NEGR1: variants seen among roughly 807,000 people sequenced by gnomAD.
NEGR1 encodes the protein IgLON family member 4.
Under a neutral mutation model 40.9 loss-of-function variants are expected in NEGR1, and 10 were observed. That is an observed-to-expected ratio of 0.24 (90% CI 0.15 to 0.42). NEGR1 has a LOEUF of 0.42. Among genes scored for constraint, NEGR1 ranks in the 10% least tolerant of loss-of-function variants. The pLI is 1.00. For synonymous variants in NEGR1, 185 were observed against 166.8 expected, an observed-to-expected ratio of 1.11 and a Z score of -0.84; for missense variants, 352 against 438.9, an observed-to-expected ratio of 0.80 and a Z score of 1.77.
At chr1:71,955,666 T>C (rs7541380) in intron 1 of NEGR1, among the ~76,000 whole-genome samples, 18,123 of 152,194 alleles carry the variant, frequency 0.12, 1,123 homozygotes, top group South Asian at 0.18. Flanking sequence ...CTTTGTATTT[T>C]TGCATTTCCT....
rs1057339826 is a variant in NEGR1, at chr1:71,705,423, A to G, written c.536-7284T>C. ...GATTTCATCAACATTTTATAAAAAC[A>G]AAAACTTTTGCTTTGGAAAAGACAC... is the stretch of plus-strand genomic sequence containing the variant. On this transcript the variant is annotated intron_variant, in intron 3 of 6. Coordinates refer to ENST00000357731, the MANE Select transcript of NEGR1 (RefSeq NM_173808.3). 9.2e-5 allele frequency among the ~76,000 whole-genome samples: 14 copies of G among 152,266 alleles called. No individual in the cohort carries two copies. In the East Asian group the frequency reaches 2.7e-3, roughly 29 times the overall value.
intron 2 of NEGR1, among the ~76,000 whole-genome samples, chr1:71,845,244 T>C (rs920780541): frequency 2.6e-5 from 4 of 152,134 alleles, no homozygotes; most frequent in African/African-American, 4.8e-5. Flanking sequence ...TTTATATATC[T>C]ACACAGAATA....
At chr1:71,628,100 CT>C (rs1650846458) in intron 4 of NEGR1, among the ~76,000 whole-genome samples, 2 of 152,014 alleles carry the variant, frequency 1.3e-5, no homozygotes, top group African/African-American at 4.8e-5. Flanking sequence ...AAATTACTTT[CT>C]ATTTTTATAT....
chr1:71,670,354 G>A (rs949617443), intron 4 of NEGR1, among the ~76,000 whole-genome samples: 3 of 152,080 alleles, frequency 2.0e-5, no homozygotes, highest in South Asian at 2.1e-4. Flanking sequence ...TTGTGTGTGT[G>A]TGTGGTTGTT....
At chr1:71,477,417 A>G (rs762285983) in intron 6 of NEGR1, 1 of 152,072 alleles carries the variant, frequency 6.6e-6, no homozygotes, top group Non-Finnish European at 1.5e-5. Context: ...GTGACATTGC[A>G]TTAATTGTCT....
chr1:71,572,635 C>T (rs1189472319), intron 6 of NEGR1, among the ~76,000 whole-genome samples: 1 of 152,064 alleles, frequency 6.6e-6, no homozygotes, highest in Non-Finnish European at 1.5e-5. Context: ...AAATAGCAGA[C>T]TTGTGGGTAT....
intron 2 of NEGR1, among the ~76,000 whole-genome samples, chr1:71,840,333 A>G (rs1449855145): frequency 6.6e-6 from 1 of 152,114 alleles, no homozygotes; most frequent in Non-Finnish European, 1.5e-5. Flanking sequence ...TGTTAAAAGT[A>G]AGTATTTGTA....
At chr1:71,484,406 A>G (rs1209232656) in intron 6 of NEGR1, among the ~76,000 whole-genome samples, 1 of 151,720 alleles carries the variant, frequency 6.6e-6, no homozygotes, top group Non-Finnish European at 1.5e-5. Context: ...AAGCCTTGAA[A>G]GTGTTCCTTC....
At chr1:71,541,032 C>T (rs1647688702) in intron 6 of NEGR1, among the ~76,000 whole-genome samples, 1 of 151,554 alleles carries the variant, frequency 6.6e-6, no homozygotes, top group South Asian at 2.1e-4. Context: ...ATGAGGGATC[C>T]ACCCCCATGA....
At chr1:71,783,893 C>A (rs12070980) in intron 2 of NEGR1, among the ~76,000 whole-genome samples, 140 of 151,656 alleles carry the variant, frequency 9.2e-4, no homozygotes, top group African/African-American at 3.2e-3. Flanking sequence ...ATTTATTAAG[C>A]CCCATCTCAG....
chr1:71,443,933 A>G lies in NEGR1; in HGVS notation c.941-36363T>C, dbSNP rs192522900. Among the ~76,000 whole-genome samples, 47 of 152,322 alleles carry G rather than the reference A, an allele frequency of 3.1e-4. No homozygotes were observed. In the East Asian group the frequency reaches 9.1e-3, roughly 29 times the overall value. On this transcript the variant is annotated intron_variant, in intron 6 of 6. Transcript: ENST00000357731. ...AAGTGAGAAGTTAATTTCCATTTAC[A>G]TTGTAAAGAATTGTTGAAAGTTGAT... is the stretch of plus-strand genomic sequence containing the variant.
At chr1:72,226,007 G>A (rs928124207) in intron 1 of NEGR1, among the ~76,000 whole-genome samples, 44 of 151,902 alleles carry the variant, frequency 2.9e-4, no homozygotes, top group African/African-American at 9.9e-4. Context: ...AAAAACTTCA[G>A]AAGATGAAGT....
At position 71,402,920 on chromosome 1, in the gene NEGR1, A is replaced by G. The variant is rs1646255598; in HGVS notation, c.*4526T>C. The stretch of plus-strand genomic sequence containing the variant: ...CAAGATAGATAAGATAGATGTTGAA[A>G]AGGGAAGAAATAATGAAGCTGTGGG... On this transcript the variant is annotated 3_prime_UTR_variant, in exon 7 of 7. Transcript: ENST00000357731. 1 of 152,124 alleles carries G rather than the reference A, an allele frequency of 6.6e-6. No homozygotes were observed. Among genetic ancestry groups the G allele is most frequent in the African/African-American group, 2.4e-5 (1 of 41,444 alleles). The allele number at this position is 152,124 out of a possible 1,614,324, so 9.4% of individuals were successfully genotyped here.
intron 1 of NEGR1, among the ~76,000 whole-genome samples, chr1:72,221,014 T>C (rs1317363447): frequency 1.3e-5 from 2 of 151,862 alleles, no homozygotes; most frequent in Non-Finnish European, 2.9e-5. Flanking sequence ...ATGACAAATT[T>C]ATACTCTCAG....
At chr1:71,680,153 T>C (rs1168612591) in intron 4 of NEGR1, among the ~76,000 whole-genome samples, 1 of 152,086 alleles carries the variant, frequency 6.6e-6, no homozygotes, top group Non-Finnish European at 1.5e-5. Flanking sequence ...GTTTTCTTTT[T>C]ATTTCTTTTT....
intron 2 of NEGR1, among the ~76,000 whole-genome samples, chr1:71,931,470 T>G (rs1011707046): frequency 7.0e-6 from 1 of 142,562 alleles, no homozygotes; most frequent in African/African-American, 2.6e-5. Flanking sequence ...CTCATATTTT[T>G]GGGGGCTGAG....
At chr1:72,266,762 C>CA (rs1311385439) in intron 1 of NEGR1, among the ~76,000 whole-genome samples, 2 of 147,844 alleles carry the variant, frequency 1.4e-5, no homozygotes, top group Non-Finnish European at 3.0e-5. Flanking sequence ...CACACACACA[C>CA]ACCAATTTGG....
chr1:71,880,671 G>A (rs1660560925), intron 2 of NEGR1, among the ~76,000 whole-genome samples: 1 of 151,972 alleles, frequency 6.6e-6, no homozygotes, highest in African/African-American at 2.4e-5. Context: ...CGAATTTGCA[G>A]CTTCCTACCA....
intron 3 of NEGR1, among the ~76,000 whole-genome samples, chr1:71,751,739 T>A (rs1381114884): frequency 1.3e-5 from 2 of 151,808 alleles, no homozygotes; most frequent in Non-Finnish European, 2.9e-5. Flanking sequence ...GCCTGTCTCA[T>A]AAGTGCCTAT....
Sources: gnomAD v4.1 joint callset for allele counts (sites outside exome capture counted in the v4.1 genomes callset) on GRCh38, gnomAD v4.1.1 for gene constraint, MANE v1.5 for transcripts, NCBI Gene and HGNC (gene_info 2026-07-23, HGNC 2026-07-21) for gene names.